Variants in LRPPRC observed in about 807,000 individuals in gnomAD.
LRPPRC encodes the protein leucine rich pentatricopeptide repeat containing, also known as leucine-rich PPR motif-containing protein, mitochondrial.
LRPPRC carries 120 observed loss-of-function variants against 180.3 expected under a neutral mutation model. That is an observed-to-expected ratio of 0.67 (90% CI 0.57 to 0.77). The LOEUF is 0.77. LRPPRC is among the 30% of genes least tolerant of loss of function. The pLI, the probability that LRPPRC is intolerant of heterozygous loss-of-function variation, is 0.00. For synonymous variants in LRPPRC, 723 were observed against 600.0 expected, an observed-to-expected ratio of 1.21 and a Z score of -3.00; for missense variants, 2,012 against 1,657.2, an observed-to-expected ratio of 1.21 and a Z score of -3.72.
At chr2:43,911,944 C>A (rs1305826275) in intron 30 of LRPPRC, among the ~76,000 whole-genome samples, 7 of 152,082 alleles carry the variant, frequency 4.6e-5, no homozygotes, top group Non-Finnish European at 2.9e-5. Context: ...TAGAAGAAAT[C>A]TTTAATATTA....
At chr2:43,951,698 G>A (rs550245687) in intron 14 of LRPPRC, among the ~76,000 whole-genome samples, 156 of 152,204 alleles carry the variant, frequency 1.0e-3, no homozygotes, top group African/African-American at 3.5e-3. Context: ...GTTAAAGCTG[G>A]GGGATGGGTA....
intron 27 of LRPPRC, among the ~76,000 whole-genome samples, chr2:43,924,042 A>T (rs1671790365): frequency 1.3e-5 from 2 of 152,362 alleles, no homozygotes; most frequent in South Asian, 4.1e-4. Context: ...CAATACAACC[A>T]AAAACTGGAA....
At chr2:43,993,905 G>A (rs1371473551) in intron 1 of LRPPRC, among the ~76,000 whole-genome samples, 1 of 151,964 alleles carries the variant, frequency 6.6e-6, no homozygotes, top group African/African-American at 2.4e-5. Flanking sequence ...CAAAGATAAG[G>A]GGGAAAGGCC....
chr2:43,968,276 C>T (rs1673647243), intron 11 of LRPPRC, among the ~76,000 whole-genome samples: 1 of 152,180 alleles, frequency 6.6e-6, no homozygotes, highest in Admixed American at 6.5e-5. Flanking sequence ...ACACATATTC[C>T]TTTGCTAAAT....
In LRPPRC at chr2:43,956,125, G is replaced by A. The variant is rs141399032; in HGVS notation, c.1649+1260C>T. Among the ~76,000 whole-genome samples the A allele has an allele frequency of 2.2e-4, 33 of 150,486 alleles. No homozygotes were observed. In the East Asian group the frequency reaches 6.2e-3, roughly 28 times the overall value. On this transcript the variant is annotated intron_variant, in intron 14 of 37. Transcript: ENST00000260665. ...ATGTAGAAGAGACATTCCAGCCTGG[G>A]CTCTTAAAAAACAAAACAAAACAAA...
At chr2:43,981,908 CT>C (rs143480088) in intron 2 of LRPPRC, among the ~76,000 whole-genome samples, 47,434 of 151,264 alleles carry the variant, frequency 0.31, 9,167 homozygotes, top group African/African-American at 0.55. Context: ...AAATTTAAGA[CT>C]TTTTTTTTTG....
intron 25 of LRPPRC, among the ~76,000 whole-genome samples, chr2:43,927,503 A>G (rs1671926244): frequency 6.6e-6 from 1 of 152,232 alleles, no homozygotes; most frequent in Non-Finnish European, 1.5e-5. Flanking sequence ...ACACTCAGGC[A>G]CAATTTCTTC....
intron 20 of LRPPRC, among the ~76,000 whole-genome samples, 157 bp downstream of exon 20, chr2:43,947,100 G>A (rs554947091): frequency 2.0e-5 from 3 of 152,182 alleles, no homozygotes; most frequent in African/African-American, 7.2e-5. Flanking sequence ...CATTCAAGGT[G>A]TAGCTGAAAT....
chr2:43,984,206 A>C (rs1021632753), intron 1 of LRPPRC, among the ~76,000 whole-genome samples: 13 of 152,192 alleles, frequency 8.5e-5, no homozygotes, highest in Non-Finnish European at 1.2e-4. Flanking sequence ...CCAGGACAAC[A>C]TGTCAAGTTT....
chr2:43,957,824 T>C (rs1673185230), intron 13 of LRPPRC, among the ~76,000 whole-genome samples: 1 of 152,154 alleles, frequency 6.6e-6, no homozygotes, highest in Non-Finnish European at 1.5e-5. Flanking sequence ...TACAAGACTT[T>C]TGTTCTTTAA....
At chr2:43,979,567 T>G (rs1674212735) in intron 3 of LRPPRC, among the ~76,000 whole-genome samples, 1 of 152,198 alleles carries the variant, frequency 6.6e-6, no homozygotes, top group African/African-American at 2.4e-5. Flanking sequence ...ATTTATAACT[T>G]TGACAGACAA....
chr2:43,943,053 A>G (rs958804941), intron 23 of LRPPRC, among the ~76,000 whole-genome samples: 23 of 152,262 alleles, frequency 1.5e-4, no homozygotes, highest in African/African-American at 5.3e-4. Context: ...AACAAAAACA[A>G]GTACAAAAGA....
chr2:43,920,283 G>A (rs1364718892), intron 27 of LRPPRC, among the ~76,000 whole-genome samples: 3 of 151,862 alleles, frequency 2.0e-5, no homozygotes, highest in African/African-American at 4.8e-5. Flanking sequence ...TTACAGGTGC[G>A]CGCCAGCACA....
At chr2:43,971,572 A>G (rs1673813926) in intron 11 of LRPPRC, among the ~76,000 whole-genome samples, 1 of 149,414 alleles carries the variant, frequency 6.7e-6, no homozygotes, top group Non-Finnish European at 1.5e-5. Flanking sequence ...ATTGTTGAAA[A>G]CTCTTGGTTC....
rs142475190 is a variant in LRPPRC at position 43,963,157 on chromosome 2, A to G, written c.1488+431T>C. ...TTTTTACAAAGCTTTAGAAAATTGT[A>G]TACAGGGCCAGGCGCGGTGGCTGAT... On this transcript the variant is annotated intron_variant, in intron 12 of 37. Transcript: ENST00000260665. Among the ~76,000 whole-genome samples, 375 of 152,352 alleles carry G rather than the reference A, an allele frequency of 2.5e-3. 1 individual carries two copies. Among genetic ancestry groups the G allele is most frequent in the African/African-American group, 8.7e-3 (360 of 41,582 alleles).
intron 27 of LRPPRC, among the ~76,000 whole-genome samples, chr2:43,918,989 A>C (rs1224858113): frequency 6.6e-6 from 1 of 152,028 alleles, no homozygotes; most frequent in Non-Finnish European, 1.5e-5. Flanking sequence ...TGATCTTTGC[A>C]AAGGCTACAG....
chr2:43,971,535 GAAA>G (rs1228722217), intron 11 of LRPPRC, among the ~76,000 whole-genome samples: 4 of 72,376 alleles, frequency 5.5e-5, no homozygotes, highest in African/African-American at 1.1e-4. Flanking sequence ...TTTTTTAAAA[GAAA>G]AAAAAAAGAC....
At chr2:43,912,333 G>C (rs1671291980) in intron 30 of LRPPRC, 99 bp downstream of exon 30, 9 of 1,093,684 alleles carry the variant, frequency 8.2e-6, no homozygotes, top group Non-Finnish European at 1.1e-5. Context: ...GGCCAATCAA[G>C]CAATTTTACT....
At chr2:43,914,019 A>T (rs1010998536) in intron 29 of LRPPRC, among the ~76,000 whole-genome samples, 15 of 152,240 alleles carry the variant, frequency 9.9e-5, no homozygotes, top group African/African-American at 3.6e-4. Context: ...GGCTTGCTAA[A>T]TAAAATATTT....
Sources: allele counts gnomAD v4.1 joint callset (sites outside exome capture counted in the v4.1 genomes callset), GRCh38; gene constraint gnomAD v4.1.1; transcripts MANE v1.5; gene names NCBI Gene and HGNC (gene_info 2026-07-23, HGNC 2026-07-21).